Variants in THSD7A observed in about 807,000 individuals in gnomAD.
THSD7A encodes the protein thrombospondin type-1 domain-containing protein 7A.
Under a neutral mutation model 231.3 loss-of-function variants are expected in THSD7A, and 96 were observed. That is an observed-to-expected ratio of 0.41 (90% confidence interval 0.35 to 0.49). THSD7A has a LOEUF of 0.49. THSD7A is among the 20% of genes least tolerant of loss of function. The pLI is 0.05. For missense variants in THSD7A, 2,290 were observed against 2,070.2 expected (o/e 1.11, Z -2.06); for synonymous variants, 940 against 743.3 (o/e 1.26, Z -4.30).
At position 11,659,395 on chromosome 7, in the gene THSD7A, C is replaced by G. The variant is rs542631413; in HGVS notation, c.191-22434G>C. Among the ~76,000 whole-genome samples the G allele has an allele frequency of 2.0e-5, 3 of 151,630 alleles. No homozygotes were observed. In the South Asian group the frequency reaches 6.2e-4, roughly 31 times the overall value. ...TCATTGCTCTTAGGTTTAAGGAAAT[C>G]TTGTTAGCATGACCTATAAATTCTA... On this transcript the variant is annotated intron_variant, in intron 1 of 27. Coordinates refer to ENST00000423059, the MANE Select transcript of THSD7A (RefSeq NM_015204.3).
At chr7:11,665,632 C>A (rs931990840) in intron 1 of THSD7A, among the ~76,000 whole-genome samples, 4 of 151,994 alleles carry the variant, frequency 2.6e-5, no homozygotes, top group African/African-American at 9.7e-5. Flanking sequence ...ACATAAAATA[C>A]CCTTTACTAG....
In THSD7A at chr7:11,621,735, TA is replaced by T. The variant is rs1278626685; in HGVS notation, c.1022+14394del. The stretch of plus-strand genomic sequence containing the variant: ...GATATAAATTATTAATAATTAAGGA[TA>T]AAAATAATTATAAAATTCTGCATTC... On this transcript the variant is annotated intron_variant, in intron 2 of 27. Transcript: ENST00000423059. 5.9e-5 allele frequency among the ~76,000 whole-genome samples: 9 copies of T among 152,232 alleles called. No homozygotes were observed. The South Asian group carries it at 8.3e-4, about 14-fold the overall frequency.
At chr7:11,759,490 G>C (rs957304142) in intron 1 of THSD7A, among the ~76,000 whole-genome samples, 1 of 151,922 alleles carries the variant, frequency 6.6e-6, no homozygotes, top group South Asian at 2.1e-4. Flanking sequence ...AGAGTGAGAA[G>C]ATCTAACATA....
chr7:11,491,903 T>TTTTC (rs754124940), intron 6 of THSD7A, among the ~76,000 whole-genome samples: 8 of 151,782 alleles, frequency 5.3e-5, no homozygotes, highest in Admixed American at 1.3e-4. Flanking sequence ...TTGAGTGGCT[T>TTTTC]TTTCTTTCTT....
chr7:11,407,245 G>T, intron 20 of THSD7A, 61 bp downstream of exon 20: 2 of 1,475,872 alleles, frequency 1.4e-6, no homozygotes, highest in Non-Finnish European at 9.3e-7. Context: ...TAAAGCAAGA[G>T]GGATATTTTA....
chr7:11,381,241 C>T (rs1157731633), intron 24 of THSD7A, among the ~76,000 whole-genome samples: 1 of 152,078 alleles, frequency 6.6e-6, no homozygotes, highest in African/African-American at 2.4e-5. Flanking sequence ...AAAAATAATA[C>T]AGTGAGAGAG....
intron 6 of THSD7A, among the ~76,000 whole-genome samples, chr7:11,492,059 T>G (rs1322168323): frequency 6.6e-6 from 1 of 152,000 alleles, no homozygotes; most frequent in African/African-American, 2.4e-5. Flanking sequence ...TTCTCTGTGG[T>G]TCTCCTGATC....
rs1042281705 is a variant in THSD7A, at chr7:11,424,904, G to A, written c.3250-75C>T. On this transcript the variant is annotated intron_variant, in intron 15 of 27. Coordinates refer to ENST00000423059, the MANE Select transcript of THSD7A (RefSeq NM_015204.3). ...GGAGGAAGACTTCCACACCATAACA[G>A]CAATCATTTCACTGTGAAGCTACTT... The A allele has an allele frequency of 1.6e-5, 25 of 1,555,068 alleles. No individual in the cohort carries two copies. In the African/African-American group the frequency reaches 2.0e-4, roughly 13 times the overall value.
intron 1 of THSD7A, among the ~76,000 whole-genome samples, chr7:11,769,153 A>ATATATTTTTTTTTTTTTTTTT: frequency 1.1e-4 from 3 of 27,654 alleles, no homozygotes; most frequent in Non-Finnish European, 1.4e-4. Context: ...ATATATATAT[A>ATATATTTTTTTTTTTTTTTTT]TTTTTTTTTT....
chr7:11,790,530 G>T (rs1783920790), intron 1 of THSD7A, among the ~76,000 whole-genome samples: 1 of 151,936 alleles, frequency 6.6e-6, no homozygotes, highest in Non-Finnish European at 1.5e-5. Context: ...AGAGATAAAA[G>T]TGCATTTTTG....
At chr7:11,469,767 A>G in intron 9 of THSD7A, 112 bp downstream of exon 9, 1 of 628,202 alleles carries the variant, frequency 1.6e-6, no homozygotes. Flanking sequence ...ATGTCAAATC[A>G]GGTTTACATA....
At chr7:11,736,239 T>A (rs746463432) in intron 1 of THSD7A, among the ~76,000 whole-genome samples, 17 of 151,926 alleles carry the variant, frequency 1.1e-4, no homozygotes, top group Non-Finnish European at 1.9e-4. Context: ...TAATTAGCTA[T>A]AAAAATAAAC....
intron 1 of THSD7A, among the ~76,000 whole-genome samples, chr7:11,829,676 C>G (rs1350562675): frequency 6.6e-6 from 1 of 152,074 alleles, no homozygotes; most frequent in East Asian, 1.9e-4. Flanking sequence ...GTGATACACA[C>G]ATAGTGATTC....
intron 11 of THSD7A, among the ~76,000 whole-genome samples, chr7:11,458,812 AG>A (rs1785398588): frequency 6.6e-6 from 1 of 152,134 alleles, no homozygotes; most frequent in South Asian, 2.1e-4. Context: ...CAGACAGAAT[AG>A]TTTTTGTACA....
intron 8 of THSD7A, among the ~76,000 whole-genome samples, chr7:11,470,401 T>C: frequency 6.6e-6 from 1 of 152,028 alleles, no homozygotes; most frequent in Admixed American, 6.6e-5. Context: ...CTTTTGCCTA[T>C]TATAAGTTTC....
intron 1 of THSD7A, among the ~76,000 whole-genome samples, chr7:11,745,660 T>C (rs1782275008): frequency 6.6e-6 from 1 of 152,134 alleles, no homozygotes; most frequent in Non-Finnish European, 1.5e-5. Flanking sequence ...GCTTTCTACA[T>C]ATGGCCAGCC....
At chr7:11,510,694 T>C (rs774269171) in intron 6 of THSD7A, among the ~76,000 whole-genome samples, 1 of 152,154 alleles carries the variant, frequency 6.6e-6, no homozygotes, top group Non-Finnish European at 1.5e-5. Context: ...TCTCAATAGA[T>C]GCAAAAAAGG....
intron 18 of THSD7A, 128 bp downstream of exon 18, chr7:11,412,528 T>C: frequency 9.1e-7 from 1 of 1,098,278 alleles, no homozygotes; most frequent in East Asian, 2.5e-5. Flanking sequence ...ATGTAATTAT[T>C]TCTGGGAAAG....
At chr7:11,562,714 TCC>T (rs987561226) in intron 4 of THSD7A, among the ~76,000 whole-genome samples, 16 of 152,188 alleles carry the variant, frequency 1.1e-4, no homozygotes, top group African/African-American at 3.9e-4. Context: ...GGCTTTCTGT[TCC>T]CTTTTTATTT....
Sources: allele counts gnomAD v4.1 joint callset (sites outside exome capture counted in the v4.1 genomes callset), GRCh38; gene constraint gnomAD v4.1.1; transcripts MANE v1.5; gene names NCBI Gene and HGNC (gene_info 2026-07-23, HGNC 2026-07-21).